Variants in LPP observed in about 807,000 individuals in gnomAD.
The protein encoded by LPP is lipoma-preferred partner.
Under a neutral mutation model 60.4 loss-of-function variants are expected in LPP, and 38 were observed. The observed-to-expected ratio is 0.63, with a 90% CI of 0.49 to 0.83. The LOEUF is 0.83. Among genes scored for constraint, LPP ranks in the 40% least tolerant of loss-of-function variants. The pLI, the probability that LPP is intolerant of heterozygous loss-of-function variation, is 0.00. For synonymous variants in LPP, 328 were observed against 290.8 expected, an observed-to-expected ratio of 1.13 and a Z score of -1.30; for missense variants, 902 against 783.6, an observed-to-expected ratio of 1.15 and a Z score of -1.80.
intron 1 of LPP, among the ~76,000 whole-genome samples, chr3:188,174,544 G>T (rs1390599155): frequency 6.6e-6 from 1 of 152,214 alleles, no homozygotes; most frequent in Admixed American, 6.5e-5. Context: ...GGAGAGATGG[G>T]GGAGGAGGGA....
intron 3 of LPP, among the ~76,000 whole-genome samples, chr3:188,400,360 A>G (rs1167155833): frequency 1.3e-5 from 2 of 152,036 alleles, no homozygotes; most frequent in East Asian, 3.8e-4. Flanking sequence ...AAGTTATTCA[A>G]CCTCTTACAG....
rs766497293 is a variant in LPP at position 188,708,383 on chromosome 3, C to T, written c.1230C>T (p.Asp410=). ...MLYDMENPPA[D]EYFGRCARCG... Reference sequence around the variant, plus strand: ...ATGACATGGAAAATCCACCTGCTGACGAATACTTTGGTGAGTGGGGCCTAG... The same window carrying T: ...ATGACATGGAAAATCCACCTGCTGATGAATACTTTGGTGAGTGGGGCCTAG... The change falls in exon 8 of 12, where the codon GAC becomes GAT. Residue 410 remains aspartate, a synonymous_variant. Transcript: ENST00000617246. 180 of 1,614,040 alleles carry T rather than the reference C, an allele frequency of 1.1e-4. No individual in the cohort carries two copies. The highest frequency in any genetic ancestry group is 1.6e-4 in the Middle Eastern group (1 of 6,082).
At chr3:188,837,393 T>TAATAATAAC (rs1758754931) in intron 9 of LPP, among the ~76,000 whole-genome samples, 1 of 147,398 alleles carries the variant, frequency 6.8e-6, no homozygotes, top group African/African-American at 2.5e-5. Context: ...ATAATAATAA[T>TAATAATAAC]AATAATAATA....
In LPP at chr3:188,484,595, A is replaced by T; in HGVS notation, c.197A>T (p.Asp66Val). ...NPYKQPGGEG[D>V]FLPPPPPPLD... Reference sequence around the variant, plus strand: ...GTTGTTTACTTCTTTTCTGTAGGTGATTTTCTTCCACCCCCACCTCCACCT... The same window carrying T: ...GTTGTTTACTTCTTTTCTGTAGGTGTTTTTCTTCCACCCCCACCTCCACCT... Residue 66 changes from aspartate (D) to valine (V), a missense_variant, in exon 5 of 12, where the codon GAT becomes GTT. Transcript: ENST00000617246. The T allele has an allele frequency of 6.8e-6, 11 of 1,609,198 alleles. No homozygotes were observed. Among genetic ancestry groups the T allele is most frequent in the Non-Finnish European group, 8.5e-6 (10 of 1,176,070 alleles).
intron 4 of LPP, among the ~76,000 whole-genome samples, chr3:188,478,475 CATT>C (rs941462613): frequency 4.6e-5 from 7 of 151,928 alleles, no homozygotes; most frequent in African/African-American, 1.7e-4. Flanking sequence ...AATATTACCA[CATT>C]ATATAAAATA....
Position 188,609,961 on chromosome 3 carries a change from T to C in LPP, c.1113+117T>C. 4.0e-6 allele frequency: 4 copies of C among 989,232 alleles called. No individual in the cohort carries two copies. Among genetic ancestry groups the C allele is most frequent in the Non-Finnish European group, 5.9e-6 (4 of 679,436 alleles). The allele number at this position is 989,232 out of a possible 1,614,324, so 61.3% of individuals were successfully genotyped here. Reference sequence around the variant, plus strand: ...GTGTTACTTTTATTTCACTGACAAATACAATCCCAGGGAAGGATGAGTGAA... The same window carrying C: ...GTGTTACTTTTATTTCACTGACAAACACAATCCCAGGGAAGGATGAGTGAA... On this transcript the variant is annotated intron_variant, in intron 7 of 11. Transcript: ENST00000617246. This position sits in a 1 kb window ranked among gnomAD's most constrained non-coding sequence, Gnocchi z 6.9.
intron 9 of LPP, among the ~76,000 whole-genome samples, chr3:188,813,473 C>T (rs549077144): frequency 2.0e-4 from 31 of 152,224 alleles, no homozygotes; most frequent in South Asian, 8.3e-4. Flanking sequence ...TAAAAGGCTA[C>T]GGGTAGTGAT....
chr3:188,725,001 G>A (rs1169996371), intron 8 of LPP, among the ~76,000 whole-genome samples: 1 of 152,220 alleles, frequency 6.6e-6, no homozygotes, highest in Non-Finnish European at 1.5e-5. Context: ...ATTTTAGGCC[G>A]TCAGCGGCAG....
At position 188,154,203 on chromosome 3, in the gene LPP, G is replaced by GCCGCCGCCGCCA. The variant is rs1715335554; in HGVS notation, c.-236_-225dup. ...TCCGCCTCCAGCCGCCGCCGCCGCC[G>GCCGCCGCCGCCA]CCGCCGCCGCCACCACCACCGCCGC... On this transcript the variant is annotated 5_prime_UTR_variant, in exon 1 of 12. Transcript: ENST00000617246. The GCCGCCGCCGCCA allele has an allele frequency of 4.5e-6, 1 of 222,332 alleles. No homozygotes were observed. 13.8% of individuals were successfully genotyped at this position (222,332 alleles called of 1,614,324 possible).
chr3:188,379,605 C>G (rs1016835927), intron 3 of LPP, among the ~76,000 whole-genome samples: 1 of 152,284 alleles, frequency 6.6e-6, no homozygotes, highest in Non-Finnish European at 1.5e-5. Flanking sequence ...TAAGCAACCA[C>G]GAATCTACTT....
At chr3:188,461,582 A>G (rs1001506495) in intron 4 of LPP, among the ~76,000 whole-genome samples, 4 of 152,224 alleles carry the variant, frequency 2.6e-5, no homozygotes, top group Non-Finnish European at 5.9e-5. Context: ...TCCCCATGAA[A>G]AACACCATTA....
intron 2 of LPP, among the ~76,000 whole-genome samples, chr3:188,293,996 G>A (rs938204885): frequency 6.8e-5 from 10 of 148,050 alleles, no homozygotes; most frequent in Non-Finnish European, 1.3e-4. Context: ...AACCCGGGAG[G>A]TGGAGGTTGC....
At chr3:188,486,719 T>C (rs2149698845) in intron 5 of LPP, among the ~76,000 whole-genome samples, 1 of 152,220 alleles carries the variant, frequency 6.6e-6, no homozygotes, top group East Asian at 1.9e-4. Flanking sequence ...TTGAAAAATA[T>C]GTGTATTGCA....
At chr3:188,425,768 T>C (rs1303396408) in intron 4 of LPP, among the ~76,000 whole-genome samples, 3 of 152,208 alleles carry the variant, frequency 2.0e-5, no homozygotes, top group African/African-American at 7.2e-5. Context: ...ATTGGTAGTT[T>C]GTATTTCTGT....
chr3:188,719,562 G>A (rs1306894276), intron 8 of LPP, among the ~76,000 whole-genome samples: 1 of 152,206 alleles, frequency 6.6e-6, no homozygotes, highest in Non-Finnish European at 1.5e-5. Flanking sequence ...AACTGTGGAA[G>A]CAAACTTGAA....
At chr3:188,364,795 G>A (rs1168271365) in intron 3 of LPP, among the ~76,000 whole-genome samples, 1 of 152,148 alleles carries the variant, frequency 6.6e-6, no homozygotes, top group Non-Finnish European at 1.5e-5. Flanking sequence ...ACCGTTTGGA[G>A]GCCTGTTATT....
intron 1 of LPP, among the ~76,000 whole-genome samples, chr3:188,210,817 G>A (rs1560113650): frequency 6.6e-6 from 1 of 151,420 alleles, no homozygotes; most frequent in South Asian, 2.1e-4. Context: ...GATGCAGGAA[G>A]GGACTCTGAG....
intron 2 of LPP, among the ~76,000 whole-genome samples, chr3:188,233,602 T>G (rs943173190): frequency 6.6e-6 from 1 of 152,228 alleles, no homozygotes; most frequent in African/African-American, 2.4e-5. Context: ...CACTCTATGA[T>G]GTAATCTAAG....
chr3:188,577,279 T>A (rs1345881352), intron 6 of LPP, among the ~76,000 whole-genome samples: 2 of 152,208 alleles, frequency 1.3e-5, no homozygotes, highest in South Asian at 2.1e-4. Flanking sequence ...ATTATTCTCA[T>A]CTAATTTTCT....
Sources: allele counts gnomAD v4.1 joint callset (sites outside exome capture counted in the v4.1 genomes callset), GRCh38; gene constraint gnomAD v4.1.1; non-coding constraint Gnocchi (gnomAD v3.1); transcripts MANE v1.5; gene names NCBI Gene and HGNC (gene_info 2026-07-23, HGNC 2026-07-21).